Variants in NBDY observed in about 807,000 individuals in gnomAD.
The protein encoded by NBDY is negative regulator of P-body association.
intron 2 of NBDY, among the ~76,000 whole-genome samples, chrX:56,814,695 A>G (rs891488553): frequency 4.3e-4 from 47 of 110,459 alleles, no homozygotes; most frequent in African/African-American, 1.5e-3. Flanking sequence ...GTGTTTCACC[A>G]TGTTGGCCCG....
chrX:56,739,256 A>ATATATATTTT (rs2069517378), intron 2 of NBDY, among the ~76,000 whole-genome samples: 1 of 81,258 alleles, frequency 1.2e-5, no homozygotes, highest in Non-Finnish European at 2.2e-5. Flanking sequence ...ATATATATAT[A>ATATATATTTT]TATATATGTA....
chrX:56,804,848 C>T (rs1240568949), intron 2 of NBDY, among the ~76,000 whole-genome samples: 1 of 112,431 alleles, frequency 8.9e-6, no homozygotes, highest in Non-Finnish European at 1.9e-5. Flanking sequence ...GCTGTGGCCT[C>T]ATTGCTCTAA....
intron 2 of NBDY, chrX:56,737,228 C>A (rs2038741012): frequency 1.0e-6 from 1 of 985,390 alleles, no homozygotes; most frequent in African/African-American, 1.9e-5. Context: ...CATCCACAGA[C>A]TTCAACTACA....
At chrX:56,732,223 TAA>T (rs1010641215) in intron 2 of NBDY, 24 bp downstream of exon 2, 2 of 291,774 alleles carry the variant, frequency 6.9e-6, no homozygotes, top group Non-Finnish European at 1.2e-5. Context: ...CAAAAATTAT[TAA>T]GAGGAGGAAG....
At chrX:56,800,566 G>C (rs1157188793) in intron 2 of NBDY, among the ~76,000 whole-genome samples, 2 of 111,430 alleles carry the variant, frequency 1.8e-5, no homozygotes, top group African/African-American at 3.3e-5. Flanking sequence ...GACTCTTCTT[G>C]TACGAAGGCA....
At chrX:56,780,768 G>A (rs2069681084) in intron 2 of NBDY, among the ~76,000 whole-genome samples, 4 of 81,199 alleles carry the variant, frequency 4.9e-5, no homozygotes, top group African/African-American at 1.8e-4. Context: ...TCTGTCACTT[G>A]TCAACAAATG....
intron 2 of NBDY, among the ~76,000 whole-genome samples, chrX:56,794,128 G>A (rs1470400273): frequency 8.9e-6 from 1 of 112,245 alleles, no homozygotes; most frequent in African/African-American, 3.2e-5. Flanking sequence ...TAGAGTAGCT[G>A]CTTCTCCAAG....
intron 2 of NBDY, among the ~76,000 whole-genome samples, chrX:56,795,016 A>G (rs1260545762): frequency 8.9e-6 from 1 of 111,929 alleles, no homozygotes; most frequent in Non-Finnish European, 1.9e-5. Flanking sequence ...GGTGAATTTC[A>G]CAGTTGGCTC....
intron 2 of NBDY, among the ~76,000 whole-genome samples, chrX:56,765,082 T>A (rs1341005466): frequency 8.9e-6 from 1 of 112,133 alleles, no homozygotes; most frequent in Non-Finnish European, 1.9e-5. Context: ...TCTCTTTACT[T>A]TTTCTCCACT....
rs1038813841 is a variant in NBDY, at chrX:56,751,295, AT to A, written c.*166+19104del. On this transcript the variant is annotated intron_variant, in intron 2 of 2. Transcript: ENST00000374922. ...CCTGCTCATTTGTCATAGCCTCAAT[AT>A]TTTTTTTCCTCATCCTCTGTCTTCA... 7.2e-5 allele frequency among the ~76,000 whole-genome samples: 8 copies of A among 110,720 alleles called. No individual in the cohort carries two copies. In the South Asian group the frequency reaches 1.1e-3, roughly 16 times the overall value.
intron 2 of NBDY, among the ~76,000 whole-genome samples, chrX:56,783,287 C>T (rs950391379): frequency 7.1e-5 from 8 of 113,015 alleles, no homozygotes; most frequent in East Asian, 2.8e-4. Flanking sequence ...CCAGAAACTG[C>T]CGGGCATGAG....
At chrX:56,785,692 A>C (rs2069723977) in intron 2 of NBDY, among the ~76,000 whole-genome samples, 1 of 111,617 alleles carries the variant, frequency 9.0e-6, no homozygotes, top group African/African-American at 3.3e-5. Context: ...CTCGGGCTTA[A>C]GGGGCTGACA....
chrX:56,791,794 C>T (rs1206831874), intron 2 of NBDY, among the ~76,000 whole-genome samples: 1 of 109,797 alleles, frequency 9.1e-6, no homozygotes, highest in Non-Finnish European at 1.9e-5. Context: ...CTTTAATTTT[C>T]CTTTTTTTAT....
intron 2 of NBDY, among the ~76,000 whole-genome samples, chrX:56,795,985 G>A (rs2069789887): frequency 9.0e-6 from 1 of 110,937 alleles, no homozygotes; most frequent in Non-Finnish European, 1.9e-5. Flanking sequence ...GCACATCCAT[G>A]TATCCCCACC....
intron 2 of NBDY, among the ~76,000 whole-genome samples, chrX:56,814,729 G>A (rs1009910430): frequency 2.7e-5 from 3 of 110,863 alleles, no homozygotes; most frequent in African/African-American, 9.9e-5. Flanking sequence ...TCTTGACCTC[G>A]TGATCTGCTC....
intron 2 of NBDY, among the ~76,000 whole-genome samples, chrX:56,781,802 A>T (rs1018308030): frequency 3.6e-5 from 4 of 111,895 alleles, no homozygotes; most frequent in Non-Finnish European, 5.6e-5. Flanking sequence ...GCATTTCCTT[A>T]TTCTTTCTGC....
At chrX:56,790,550 G>T (rs1490176169) in intron 2 of NBDY, among the ~76,000 whole-genome samples, 1 of 112,320 alleles carries the variant, frequency 8.9e-6, no homozygotes. Flanking sequence ...GCACCACGGG[G>T]CACCTCCGGC....
chrX:56,805,880 T>C (rs768156962), intron 2 of NBDY, among the ~76,000 whole-genome samples: 1 of 111,567 alleles, frequency 9.0e-6, no homozygotes, highest in East Asian at 2.8e-4. Flanking sequence ...CGCAGGTTTG[T>C]TACATAGATA....
chrX:56,733,736 C>A (rs1402009467), intron 2 of NBDY, among the ~76,000 whole-genome samples: 1 of 112,287 alleles, frequency 8.9e-6, no homozygotes, highest in East Asian at 2.8e-4. Flanking sequence ...ACTTTCTAAC[C>A]ATCCCTCTCT....
Sources: gnomAD v4.1 joint callset for allele counts (sites outside exome capture counted in the v4.1 genomes callset) on GRCh38, gnomAD v4.1.1 for gene constraint, MANE v1.5 for transcripts, NCBI Gene and HGNC (gene_info 2026-07-23, HGNC 2026-07-21) for gene names.